NEMF: variants seen among roughly 807,000 people sequenced by gnomAD.
NEMF encodes the protein nuclear export mediator factor, also known as ribosome quality control complex subunit NEMF.
In NEMF, 89 loss-of-function variants were observed where a neutral mutation model predicts 162.2. That is an observed-to-expected ratio of 0.55 (90% CI 0.46 to 0.65). The LOEUF is 0.65. NEMF is among the 30% of genes least tolerant of loss of function. NEMF has a pLI of 0.00. For synonymous variants in NEMF, 421 were observed against 404.5 expected (o/e 1.04, Z -0.49); for missense variants, 1,133 against 1,261.9 (o/e 0.90, Z 1.55).
intron 4 of NEMF, among the ~76,000 whole-genome samples, chr14:49,842,753 T>G (rs1271292985): frequency 6.6e-6 from 1 of 152,198 alleles, no homozygotes; most frequent in Non-Finnish European, 1.5e-5. Flanking sequence ...ACGCCTGTAA[T>G]CCCAGCACTT....
At chr14:49,824,615 A>C (rs1892249569) in intron 16 of NEMF, among the ~76,000 whole-genome samples, 1 of 150,620 alleles carries the variant, frequency 6.6e-6, no homozygotes, top group African/African-American at 2.4e-5. Context: ...TTTTTTTAAG[A>C]GACGGGGTTT....
At chr14:49,829,806 G>A (rs1019357757) in intron 11 of NEMF, among the ~76,000 whole-genome samples, 2 of 152,008 alleles carry the variant, frequency 1.3e-5, no homozygotes, top group Admixed American at 6.6e-5. Context: ...ACCGGGTCCC[G>A]CTATGTTGCC....
intron 25 of NEMF, among the ~76,000 whole-genome samples, chr14:49,797,762 T>C (rs1890758093): frequency 6.6e-6 from 1 of 152,266 alleles, no homozygotes; most frequent in African/African-American, 2.4e-5. Flanking sequence ...GAAATCATTA[T>C]TGTACATGTT....
At chr14:49,811,538 A>G (rs571771525) in intron 18 of NEMF, among the ~76,000 whole-genome samples, 1 of 152,296 alleles carries the variant, frequency 6.6e-6, no homozygotes, top group South Asian at 2.1e-4. Context: ...GGAGGAAGGT[A>G]CCCAATCTTT....
Position 49,789,270 on chromosome 14 carries a change from T to A in NEMF, c.2771A>T (p.Lys924Ile), listed in dbSNP as rs1243490637. ...KGKTKDEPVK[K>I]QPQKPRGGQR... ...TCCACCTCTAGGTTTCTGGGGCTGT[T>A]TCTTCACAGGTTCGTCCTTTGTTTT... Residue 924 changes from lysine (K) to isoleucine (I), a missense_variant, in exon 28 of 33, where the codon AAA (lysine) becomes ATA (isoleucine). Physicochemically the swap from Lys to Ile is moderately radical, Grantham distance 102. Around this residue, in one of 3 missense-constraint regions of NEMF, gnomAD observed 532 missense variants for 578.6 expected, o/e 0.92. Transcript: ENST00000298310. 6.2e-7 allele frequency: 1 copy of A among 1,614,204 alleles called. No homozygotes were observed. The highest frequency in any genetic ancestry group is 1.1e-5 in the South Asian group (1 of 91,076).
In NEMF at chr14:49,782,855, T is replaced by A. The variant is rs1284644547; in HGVS notation, c.*1781A>T. The A allele has an allele frequency of 6.2e-7, 1 of 1,613,912 alleles. No homozygotes were observed. The highest frequency in any genetic ancestry group is 8.5e-7 in the Non-Finnish European group (1 of 1,179,860). On this transcript the variant is annotated 3_prime_UTR_variant, in exon 33 of 33. Transcript: ENST00000298310. ...GCTAAGCTTAGAAGCAGTCATTTGC[T>A]TTAAAGAAATGTTAGCCAACTCATG...
At chr14:49,838,356 T>C (rs998093132) in intron 5 of NEMF, 150 bp from the exon 6 acceptor site, 15 of 602,824 alleles carry the variant, frequency 2.5e-5, no homozygotes, top group African/African-American at 5.4e-5. Context: ...TGTGAGAAAA[T>C]GGATCATAAA....
At position 49,782,925 on chromosome 14, in the gene NEMF, T is replaced by G; in HGVS notation, c.*1711A>C. On this transcript the variant is annotated 3_prime_UTR_variant, in exon 33 of 33. Coordinates refer to ENST00000298310, the MANE Select transcript of NEMF (RefSeq NM_004713.6). Reference sequence around the variant, plus strand: ...TTACTTCACAGTGTTAATCAGAGGTTTGGTAGTAACAACACTTCTGGATCT... The same window carrying G: ...TTACTTCACAGTGTTAATCAGAGGTGTGGTAGTAACAACACTTCTGGATCT... 1 of 1,613,592 alleles carries G rather than the reference T, an allele frequency of 6.2e-7. No homozygotes were observed. The highest frequency in any genetic ancestry group is 8.5e-7 in the Non-Finnish European group (1 of 1,179,742).
intron 4 of NEMF, among the ~76,000 whole-genome samples, chr14:49,843,202 T>C (rs145165732): frequency 2.6e-5 from 4 of 151,298 alleles, no homozygotes; most frequent in South Asian, 2.1e-4. Context: ...ACATTATATA[T>C]TGAATAAAAG....
chr14:49,806,788 A>C (rs1183926113), intron 18 of NEMF, among the ~76,000 whole-genome samples: 1 of 152,216 alleles, frequency 6.6e-6, no homozygotes, highest in Non-Finnish European at 1.5e-5. Flanking sequence ...AGACTTCCAA[A>C]ATTAAAATAG....
At chr14:49,828,264 A>G in intron 15 of NEMF, 27 bp downstream of exon 15, 1 of 1,502,544 alleles carries the variant, frequency 6.7e-7, no homozygotes, top group Non-Finnish European at 9.3e-7. Context: ...CAAACAACTA[A>G]CATTCACTCT....
intron 4 of NEMF, among the ~76,000 whole-genome samples, chr14:49,843,923 AC>A (rs1282038950): frequency 3.3e-5 from 5 of 152,142 alleles, no homozygotes; most frequent in Non-Finnish European, 7.4e-5. Context: ...ATATGGTGAA[AC>A]CCCATCTCTA....
chr14:49,835,164 C>T (rs1233820304), intron 6 of NEMF, among the ~76,000 whole-genome samples: 1 of 149,392 alleles, frequency 6.7e-6, no homozygotes, highest in Non-Finnish European at 1.5e-5. Context: ...CGTGCCATTG[C>T]ACTGCAGCCT....
intron 26 of NEMF, among the ~76,000 whole-genome samples, chr14:49,793,697 A>G (rs367756058): frequency 6.6e-6 from 1 of 152,162 alleles, no homozygotes. Flanking sequence ...TTTTGCTACT[A>G]CAAATATAAA....
intron 28 of NEMF, 36 bp from the exon 29 acceptor site, chr14:49,786,786 T>C: frequency 6.3e-7 from 1 of 1,589,654 alleles, no homozygotes; most frequent in Middle Eastern, 1.7e-4. Context: ...ATGTCAGCTA[T>C]AATGTAAAAT....
At chr14:49,831,090 T>C (rs188701500) in intron 11 of NEMF, among the ~76,000 whole-genome samples, 10 of 152,300 alleles carry the variant, frequency 6.6e-5, no homozygotes, top group African/African-American at 1.9e-4. Context: ...ATATCTGAAA[T>C]ACTCATGAAA....
At chr14:49,821,685 G>T (rs1385559533) in intron 16 of NEMF, among the ~76,000 whole-genome samples, 2 of 134,432 alleles carry the variant, frequency 1.5e-5, no homozygotes, top group Admixed American at 7.2e-5. Flanking sequence ...GGAGGGAGGT[G>T]GGGGGCTCAG....
At chr14:49,841,849 T>C (rs1413236856) in intron 4 of NEMF, among the ~76,000 whole-genome samples, 1 of 152,144 alleles carries the variant, frequency 6.6e-6, no homozygotes, top group Non-Finnish European at 1.5e-5. Context: ...CTCACGCCTG[T>C]AATCCCAGCA....
intron 22 of NEMF, among the ~76,000 whole-genome samples, chr14:49,801,898 G>A (rs1890972376): frequency 6.6e-6 from 1 of 151,718 alleles, no homozygotes; most frequent in African/African-American, 2.4e-5. Context: ...ATTAAATACT[G>A]AAGTCTCACT....
Sources: gnomAD v4.1 joint callset for allele counts (sites outside exome capture counted in the v4.1 genomes callset) on GRCh38, gnomAD v4.1.1 for gene constraint, gnomAD v4.1.1 regional missense constraint, MANE v1.5 for transcripts, NCBI Gene and HGNC (gene_info 2026-07-23, HGNC 2026-07-21) for gene names.